PCDHA4: variants seen among roughly 807,000 people sequenced by gnomAD.
PCDHA4 encodes protocadherin alpha 4.
In PCDHA4, 49 loss-of-function variants were observed where a neutral mutation model predicts 61.4. The observed-to-expected ratio is 0.80, with a 90% CI of 0.63 to 1.01. PCDHA4 has a LOEUF of 1.01. Among genes scored for constraint, PCDHA4 ranks in the 50% least tolerant of loss-of-function variants. PCDHA4 has a pLI of 0.00. For missense variants in PCDHA4, 1,254 were observed against 1,235.8 expected, an observed-to-expected ratio of 1.01 and a Z score of -0.22; for synonymous variants, 590 against 550.3, an observed-to-expected ratio of 1.07 and a Z score of -1.01.
At chr5:140,972,740 T>G (rs2096553417) in intron 1 of PCDHA4, among the ~76,000 whole-genome samples, 1 of 149,910 alleles carries the variant, frequency 6.7e-6, no homozygotes, top group Admixed American at 6.8e-5. Flanking sequence ...CCCGGCTCAC[T>G]GCAACCTCCG....
chr5:140,965,928 C>T (rs2095948805), intron 1 of PCDHA4, among the ~76,000 whole-genome samples: 1 of 152,198 alleles, frequency 6.6e-6, no homozygotes, highest in South Asian at 2.1e-4. Flanking sequence ...GGCTTGCTCC[C>T]GGAAAGAGGG....
At chr5:140,842,539 G>T (rs182995378) in intron 1 of PCDHA4, 7 of 1,610,436 alleles carry the variant, frequency 4.3e-6, no homozygotes, top group African/African-American at 1.3e-5. Context: ...ATTACTACTC[G>T]TTGGTGCTGG....
chr5:140,996,848 G>A (rs560517454), intron 3 of PCDHA4, among the ~76,000 whole-genome samples: 1 of 152,254 alleles, frequency 6.6e-6, no homozygotes, highest in African/African-American at 2.4e-5. Flanking sequence ...TGCATCTTCA[G>A]AATTCTTTAT....
chr5:140,852,296 G>C, intron 1 of PCDHA4: 1 of 460,598 alleles, frequency 2.2e-6, no homozygotes, highest in South Asian at 9.2e-5. Flanking sequence ...TTATTTTTCT[G>C]AGACGGAGTC....
intron 1 of PCDHA4, among the ~76,000 whole-genome samples, chr5:140,893,580 G>C (rs555518122): frequency 1.5e-4 from 23 of 152,268 alleles, no homozygotes; most frequent in East Asian, 1.2e-3. Flanking sequence ...GTTTTTGCTT[G>C]TTTGGGAAAT....
chr5:140,824,519 A>G (rs1465861980), intron 1 of PCDHA4: 1 of 220,416 alleles, frequency 4.5e-6, no homozygotes, highest in African/African-American at 2.3e-5. Flanking sequence ...TGATCTGATC[A>G]TAGCTCACCG....
At position 140,990,592 on chromosome 5, in the gene PCDHA4, C is replaced by T. The variant is rs150978794; in HGVS notation, c.2533+8029C>T. On this transcript the variant is annotated intron_variant, in intron 3 of 3. Coordinates refer to ENST00000530339, the MANE Select transcript of PCDHA4 (RefSeq NM_018907.4). ...GTTCGATCTCTTTTCCTATAATCAC[C>T]TGGAGTCAGATGAATACCGTAAAGG... 2.7e-3 allele frequency among the ~76,000 whole-genome samples: 412 copies of T among 152,286 alleles called. 2 individuals are homozygous for T. Among genetic ancestry groups the T allele is most frequent in the African/African-American group, 9.5e-3 (395 of 41,556 alleles).
chr5:140,879,806 T>C (rs2058125905), intron 1 of PCDHA4, among the ~76,000 whole-genome samples: 1 of 152,250 alleles, frequency 6.6e-6, no homozygotes, highest in Non-Finnish European at 1.5e-5. Context: ...CCAGTTTCTA[T>C]TGGCTGTTGG....
chr5:140,823,816 G>A (rs1447346470), intron 1 of PCDHA4: 1 of 1,613,806 alleles, frequency 6.2e-7, no homozygotes, highest in Admixed American at 1.7e-5. Context: ...CTCATCGCGG[G>A]CGTCGGCGGG....
At chr5:140,828,215 G>T in intron 1 of PCDHA4, 2 of 1,614,016 alleles carry the variant, frequency 1.2e-6, no homozygotes, top group Middle Eastern at 1.7e-4. Context: ...GGCCAAACAC[G>T]GCACCTTCGT....
chr5:140,964,556 G>A (rs2095839745), intron 1 of PCDHA4, among the ~76,000 whole-genome samples: 1 of 152,166 alleles, frequency 6.6e-6, no homozygotes. Context: ...GCGACTTGGA[G>A]GGCTGGGAGG....
chr5:140,808,937 T>C lies in PCDHA4; in HGVS notation c.1750T>C (p.Ser584Pro). ...CGCAGTGAGCGAGCTGGTGCCATGG[T>C]CGGTGGGTGTGGGCCACGTGGTGGC... ...GGAVSELVPW[S>P]VGVGHVVAKV... Residue 584 changes from serine to proline, a missense_variant, in exon 1 of 4, where the codon TCG becomes CCG. Ser to Pro is a moderately conservative substitution (Grantham distance 74, BLOSUM62 -1). Coordinates refer to ENST00000530339, the MANE Select transcript of PCDHA4 (RefSeq NM_018907.4). The C allele has an allele frequency of 6.2e-7, 1 of 1,613,600 alleles. No homozygotes were observed. Among genetic ancestry groups the C allele is most frequent in the Non-Finnish European group, 8.5e-7 (1 of 1,179,782 alleles).
At chr5:140,872,610 T>C (rs1270918795) in intron 1 of PCDHA4, among the ~76,000 whole-genome samples, 2 of 152,146 alleles carry the variant, frequency 1.3e-5, no homozygotes, top group Non-Finnish European at 2.9e-5. Context: ...AAAATAATTT[T>C]TTTTGCCTGT....
chr5:140,850,733 G>T (rs2150496499), intron 1 of PCDHA4: 1 of 1,598,010 alleles, frequency 6.3e-7, no homozygotes, highest in East Asian at 2.2e-5. Context: ...GCGCGGTGGG[G>T]AGTTGGTCGT....
At chr5:140,820,286 T>C (rs1554127813) in intron 1 of PCDHA4, among the ~76,000 whole-genome samples, 1 of 152,018 alleles carries the variant, frequency 6.6e-6, no homozygotes, top group Non-Finnish European at 1.5e-5. Flanking sequence ...AAAGATTGTA[T>C]CAGAAACAAT....
intron 1 of PCDHA4, chr5:140,884,214 T>G: frequency 6.2e-7 from 1 of 1,613,446 alleles, no homozygotes; most frequent in African/African-American, 1.3e-5. Context: ...CGCCTTCTGG[T>G]GCTGGTGAAG....
At chr5:140,841,138 C>A (rs782232195) in intron 1 of PCDHA4, 1 of 713,754 alleles carries the variant, frequency 1.4e-6, no homozygotes, top group Non-Finnish European at 2.3e-6. Flanking sequence ...TTTGAAGCCA[C>A]ATGATGTCGC....
intron 3 of PCDHA4, among the ~76,000 whole-genome samples, chr5:140,987,919 A>G (rs1441531471): frequency 1.3e-5 from 2 of 152,082 alleles, no homozygotes; most frequent in East Asian, 3.9e-4. Context: ...TATATTCTTA[A>G]TTGTCTCAAG....
At chr5:140,951,542 A>AG (rs1554219955) in intron 1 of PCDHA4, among the ~76,000 whole-genome samples, 1 of 151,820 alleles carries the variant, frequency 6.6e-6, no homozygotes, top group African/African-American at 2.4e-5. Context: ...GGAGCAAGGG[A>AG]CGGGGGGAAG....
Sources: gnomAD v4.1 joint callset for allele counts (sites outside exome capture counted in the v4.1 genomes callset) on GRCh38, gnomAD v4.1.1 for gene constraint, MANE v1.5 for transcripts, NCBI Gene and HGNC (gene_info 2026-07-23, HGNC 2026-07-21) for gene names.